The following TMEM132D variants were observed in gnomAD, a reference collection of about 807,000 sequenced individuals.
TMEM132D encodes the protein mature OL transmembrane protein.
A neutral mutation model predicts 62.3 loss-of-function variants in TMEM132D; 21 were observed. The ratio of observed to expected loss-of-function variants is 0.34; its 90% CI spans 0.24 to 0.49. The LOEUF (loss-of-function observed/expected upper bound fraction) is 0.49. TMEM132D is among the 20% of genes least tolerant of loss of function. The pLI, the probability that TMEM132D is intolerant of heterozygous loss-of-function variation, is 0.99. For missense variants in TMEM132D, 1,346 were observed against 1,402.8 expected (o/e 0.96, Z 0.65); for synonymous variants, 621 against 575.6 (o/e 1.08, Z -1.13).
At chr12:129,571,223 T>G (rs1311645059) in intron 2 of TMEM132D, among the ~76,000 whole-genome samples, 1 of 152,176 alleles carries the variant, frequency 6.6e-6, no homozygotes, top group Non-Finnish European at 1.5e-5. Context: ...AAAACCTCTA[T>G]GAATGCTAGG....
chr12:129,774,073 A>G (rs1049382219), intron 1 of TMEM132D, among the ~76,000 whole-genome samples: 3 of 152,234 alleles, frequency 2.0e-5, no homozygotes, highest in Admixed American at 6.5e-5. Flanking sequence ...AGGCTATTAC[A>G]ATAGTCACAC....
chr12:129,850,434 T>G (rs1056202186), intron 1 of TMEM132D, among the ~76,000 whole-genome samples: 1 of 152,074 alleles, frequency 6.6e-6, no homozygotes, highest in African/African-American at 2.4e-5. Context: ...CACGCAAAGA[T>G]GAAACATGTT....
intron 2 of TMEM132D, among the ~76,000 whole-genome samples, chr12:129,664,004 G>A (rs1022909253): frequency 1.7e-4 from 26 of 152,190 alleles, no homozygotes; most frequent in African/African-American, 6.0e-4. Context: ...ATTCAAAAGG[G>A]AGGAGAACTG....
intron 4 of TMEM132D, among the ~76,000 whole-genome samples, chr12:129,323,511 T>C (rs1460191062): frequency 6.6e-6 from 1 of 152,234 alleles, no homozygotes. Flanking sequence ...AGAAAAGTGC[T>C]GATTCTTTAG....
At chr12:129,564,593 C>T (rs775137501) in intron 2 of TMEM132D, among the ~76,000 whole-genome samples, 13 of 152,174 alleles carry the variant, frequency 8.5e-5, no homozygotes, top group Non-Finnish European at 1.6e-4. Context: ...ACACGTCCCT[C>T]GGCCACTCTC....
In TMEM132D at chr12:129,190,016, C is replaced by G. The variant is rs116763678; in HGVS notation, c.1443+19504G>C. Among the ~76,000 whole-genome samples, 84 of 151,944 alleles carry G rather than the reference C, an allele frequency of 5.5e-4. 1 individual carries two copies. Among genetic ancestry groups the G allele is most frequent in the African/African-American group, 2.0e-3 (83 of 41,374 alleles). On this transcript the variant is annotated intron_variant, in intron 5 of 8. Coordinates refer to ENST00000422113, the MANE Select transcript of TMEM132D (RefSeq NM_133448.3). ...GGAGGTGAGACTAGAGGAAAAAAGT[C>G]AGAGATGCAACACGGCTGGCGCTGA...
intron 2 of TMEM132D, among the ~76,000 whole-genome samples, chr12:129,684,860 T>C (rs1026558719): frequency 2.0e-5 from 3 of 152,058 alleles, no homozygotes; most frequent in Non-Finnish European, 4.4e-5. Flanking sequence ...ACTCTTGCAA[T>C]GCTTTAGCAA....
At chr12:129,871,858 A>T (rs1874253923) in intron 1 of TMEM132D, among the ~76,000 whole-genome samples, 1 of 152,086 alleles carries the variant, frequency 6.6e-6, no homozygotes, top group Non-Finnish European at 1.5e-5. Context: ...CCCACTAAAA[A>T]TCCCCCATGG....
chr12:129,383,739 T>C (rs1871022898), intron 3 of TMEM132D, among the ~76,000 whole-genome samples: 2 of 152,218 alleles, frequency 1.3e-5, no homozygotes, highest in South Asian at 4.1e-4. Context: ...ATGCCTGGCC[T>C]CTAGGTAACC....
At chr12:129,257,752 T>C (rs1479366210) in intron 4 of TMEM132D, among the ~76,000 whole-genome samples, 3 of 152,006 alleles carry the variant, frequency 2.0e-5, no homozygotes, top group Non-Finnish European at 4.4e-5. Context: ...GCCACTGCAG[T>C]GAATGTAGGA....
intron 2 of TMEM132D, among the ~76,000 whole-genome samples, chr12:129,605,848 C>T (rs909462817): frequency 2.0e-5 from 3 of 151,798 alleles, no homozygotes; most frequent in African/African-American, 7.3e-5. Flanking sequence ...GACAAGTAAA[C>T]AAGCTTAGAT....
intron 3 of TMEM132D, among the ~76,000 whole-genome samples, chr12:129,413,119 G>A (rs556731049): frequency 6.6e-6 from 1 of 152,190 alleles, no homozygotes; most frequent in African/African-American, 2.4e-5. Flanking sequence ...ACATTTCTAA[G>A]GAACATAAGT....
At chr12:129,897,095 A>T (rs1264566717) in intron 1 of TMEM132D, among the ~76,000 whole-genome samples, 1 of 152,174 alleles carries the variant, frequency 6.6e-6, no homozygotes, top group Admixed American at 6.5e-5. Flanking sequence ...TGTACCCCTT[A>T]ATTCTTCCTA....
At chr12:129,783,830 C>T (rs114161927) in intron 1 of TMEM132D, among the ~76,000 whole-genome samples, 2,292 of 152,282 alleles carry the variant, frequency 0.015, 55 homozygotes, top group African/African-American at 0.052. Flanking sequence ...TCCCCACATA[C>T]GAGCAAAGAT....
At chr12:129,187,970 T>C (rs1015514017) in intron 5 of TMEM132D, among the ~76,000 whole-genome samples, 1 of 152,242 alleles carries the variant, frequency 6.6e-6, no homozygotes, top group Non-Finnish European at 1.5e-5. Flanking sequence ...AAGAAGAATA[T>C]TCGTGAAATC....
At chr12:129,348,628 G>T (rs1322356212) in intron 3 of TMEM132D, among the ~76,000 whole-genome samples, 2 of 152,142 alleles carry the variant, frequency 1.3e-5, no homozygotes, top group African/African-American at 2.4e-5. Context: ...CCTAGATGAT[G>T]GGTTGATGGG....
At chr12:129,829,623 G>A (rs1007903083) in intron 1 of TMEM132D, among the ~76,000 whole-genome samples, 8 of 152,098 alleles carry the variant, frequency 5.3e-5, no homozygotes, top group African/African-American at 1.4e-4. Context: ...CCTTAGCCCC[G>A]TGTTTTCCCT....
At chr12:129,494,173 T>G (rs1478835911) in intron 3 of TMEM132D, among the ~76,000 whole-genome samples, 1 of 152,176 alleles carries the variant, frequency 6.6e-6, no homozygotes, top group Admixed American at 6.5e-5. Flanking sequence ...CATGGAAACT[T>G]GAACCAGTGG....
chr12:129,612,098 C>A (rs1352369114), intron 2 of TMEM132D, among the ~76,000 whole-genome samples: 1 of 152,204 alleles, frequency 6.6e-6, no homozygotes, highest in Non-Finnish European at 1.5e-5. Context: ...AAGGAAGATG[C>A]ACTCATTTGC....
Sources: gnomAD v4.1 joint callset for allele counts (sites outside exome capture counted in the v4.1 genomes callset) on GRCh38, gnomAD v4.1.1 for gene constraint, MANE v1.5 for transcripts, NCBI Gene and HGNC (gene_info 2026-07-23, HGNC 2026-07-21) for gene names.